The following SCN11A variants were observed in gnomAD, a reference collection of about 807,000 sequenced individuals.
SCN11A encodes the protein sodium channel protein type 11 subunit alpha.
SCN11A carries 122 observed loss-of-function variants against 162.2 expected under a neutral mutation model. The observed-to-expected ratio is 0.75, with a 90% confidence interval of 0.65 to 0.87. SCN11A has a LOEUF of 0.87. SCN11A is among the 40% of genes least tolerant of loss of function. SCN11A has a pLI of 0.00. For missense variants in SCN11A, 2,015 were observed against 2,181.6 expected, an observed-to-expected ratio of 0.92 and a Z score of 1.52; for synonymous variants, 758 against 751.5, an observed-to-expected ratio of 1.01 and a Z score of -0.14.
At chr3:38,913,322 A>C (rs2065912136) in intron 11 of SCN11A, among the ~76,000 whole-genome samples, 1 of 152,004 alleles carries the variant, frequency 6.6e-6, no homozygotes, top group South Asian at 2.1e-4. Flanking sequence ...CCCACTTTTC[A>C]GTGGAGTTGT....
chr3:38,976,196 G>T (rs1420663091), intron 2 of SCN11A, among the ~76,000 whole-genome samples: 2 of 152,092 alleles, frequency 1.3e-5, no homozygotes, highest in Non-Finnish European at 2.9e-5. Flanking sequence ...TTACATGCTT[G>T]TTATGAGACA....
At chr3:38,939,441 T>C (rs903222413) in intron 7 of SCN11A, among the ~76,000 whole-genome samples, 2 of 152,118 alleles carry the variant, frequency 1.3e-5, no homozygotes, top group African/African-American at 4.8e-5. Flanking sequence ...AGAGAAATTT[T>C]AAAACTGAAA....
intron 11 of SCN11A, 71 bp downstream of exon 11, chr3:38,919,864 C>CTGTT: frequency 9.2e-7 from 1 of 1,082,166 alleles, no homozygotes; most frequent in Non-Finnish European, 1.4e-6. Context: ...TCATTAAAGA[C>CTGTT]TGTTTGCCAC....
chr3:38,935,760 G>C (rs915217339), intron 7 of SCN11A, among the ~76,000 whole-genome samples: 1 of 152,222 alleles, frequency 6.6e-6, no homozygotes, highest in Admixed American at 6.5e-5. Flanking sequence ...TCCAGGACCA[G>C]ATGGATTCAC....
chr3:39,029,919 T>C (rs536695303), intron 2 of SCN11A, among the ~76,000 whole-genome samples: 131 of 152,340 alleles, frequency 8.6e-4, no homozygotes, highest in South Asian at 6.6e-3. Context: ...AAGAATTGTC[T>C]TCAGTTCCAG....
chr3:38,911,543 C>T (rs1056290847), intron 11 of SCN11A, among the ~76,000 whole-genome samples: 8 of 152,134 alleles, frequency 5.3e-5, no homozygotes, highest in African/African-American at 1.9e-4. Context: ...GGACTTGCAT[C>T]TTTAGTCCCA....
chr3:38,849,257 C>CTTTTTT lies in SCN11A; in HGVS notation c.4327+1218_4327+1223dup, dbSNP rs55781629. The CTTTTTT allele has an allele frequency of 4.9e-4, 34 of 69,852 alleles. 4 individuals carry two copies. The highest frequency in any genetic ancestry group is 2.0e-3 in the East Asian group (4 of 2,026). The allele number at this position is 69,852 out of a possible 1,614,324, so 4.3% of individuals were successfully genotyped here. On this transcript the variant is annotated intron_variant, in intron 29 of 29. Transcript: ENST00000302328. ...GACATCTGACCACCATTTTCTAGCCCTTTTTTTTTTTTTTTTTTTTTTTTT... is the reference window on the plus strand; with the variant it reads ...GACATCTGACCACCATTTTCTAGCCCTTTTTTTTTTTTTTTTTTTTTTTTTTTTTTT...
chr3:38,944,834 G>C (rs1295875402), intron 7 of SCN11A, among the ~76,000 whole-genome samples: 1 of 151,904 alleles, frequency 6.6e-6, no homozygotes, highest in Non-Finnish European at 1.5e-5. Flanking sequence ...ACGGTGGCAG[G>C]CGTCTGTAAT....
intron 2 of SCN11A, among the ~76,000 whole-genome samples, chr3:38,963,729 G>A (rs971137250): frequency 5.3e-5 from 8 of 151,940 alleles, no homozygotes; most frequent in African/African-American, 1.9e-4. Context: ...GGGGGGAAGA[G>A]TGGGAGAGAG....
chr3:38,963,399 T>C (rs1575338940), intron 2 of SCN11A, among the ~76,000 whole-genome samples: 2 of 58,036 alleles, frequency 3.4e-5, no homozygotes, highest in Non-Finnish European at 5.8e-5. Flanking sequence ...TGGAGATATA[T>C]ATATATATAT....
chr3:38,989,910 C>T (rs1050264498), intron 2 of SCN11A, among the ~76,000 whole-genome samples: 9 of 151,678 alleles, frequency 5.9e-5, no homozygotes, highest in Admixed American at 1.3e-4. Context: ...GTGACTCTGT[C>T]GAAATAATGT....
chr3:38,963,841 C>T (rs969108548), intron 2 of SCN11A, among the ~76,000 whole-genome samples: 7 of 151,984 alleles, frequency 4.6e-5, no homozygotes, highest in African/African-American at 1.7e-4. Context: ...ACTCATGTAA[C>T]CAAATACCAC....
At chr3:38,932,193 A>G (rs1441024073) in intron 7 of SCN11A, among the ~76,000 whole-genome samples, 2 of 152,230 alleles carry the variant, frequency 1.3e-5, no homozygotes, top group East Asian at 3.8e-4. Flanking sequence ...TGTCCCTATA[A>G]ATATTTTTAT....
Position 38,929,117 on chromosome 3 carries a change from A to T in SCN11A, c.489-2186T>A, listed in dbSNP as rs576057711. ...TTTTTTATATTCCCACACTGTCAAA[A>T]ATACTGGGTCTGTGCACGCACACAC... On this transcript the variant is annotated intron_variant, in intron 7 of 29. Transcript: ENST00000302328. Among the ~76,000 whole-genome samples, 140 of 116,016 alleles carry T rather than the reference A, an allele frequency of 1.2e-3. 2 individuals are homozygous for T. Among genetic ancestry groups the T allele is most frequent in the Admixed American group, 6.3e-3 (70 of 11,106 alleles). The allele number at this position is 116,016 out of a possible 152,430, so 76.1% of individuals were successfully genotyped here. A position where few individuals can be genotyped will look rare whatever the true frequency, so the allele number is the denominator to read the frequency against.
Position 38,896,906 on chromosome 3 carries a change from T to C in SCN11A, c.2342A>G (p.Asn781Ser), listed in dbSNP as rs747216962. ...AATAACACACAATGATGATGATGCATTCGCTTCTTGCATACATTCCCACAT... is the reference window on the plus strand; with the variant it reads ...AATAACACACAATGATGATGATGCACTCGCTTCTTGCATACATTCCCACAT... ...ENMWECMQEANASSSLCVIVF... is the reference protein window; with the variant it reads ...ENMWECMQEASASSSLCVIVF... The change falls in exon 18 of 30, where the codon AAT becomes AGT. Residue 781 changes from asparagine to serine, a missense_variant. Coordinates refer to ENST00000302328, the MANE Select transcript of SCN11A (RefSeq NM_001349253.2). The C allele has an allele frequency of 1.2e-5, 19 of 1,613,284 alleles. No individual in the cohort carries two copies. The highest frequency in any genetic ancestry group is 1.7e-4 in the Middle Eastern group (1 of 6,060).
intron 27 of SCN11A, 97 bp downstream of exon 27, chr3:38,867,224 G>A (rs1463404520): frequency 3.4e-6 from 4 of 1,184,562 alleles, no homozygotes; most frequent in Non-Finnish European, 4.9e-6. Flanking sequence ...GATCATAAAG[G>A]CTACTTTGTA....
chr3:38,901,293 A>T lies in SCN11A; in HGVS notation c.1843-1220T>A, dbSNP rs1398377772. On this transcript the variant is annotated intron_variant, in intron 16 of 29. Coordinates refer to ENST00000302328, the MANE Select transcript of SCN11A (RefSeq NM_001349253.2). ...AAAATAAAAATAAATCAAGAGTTAC[A>T]AAGAAAATTCAAGTTTATTTTCATA... Among the ~76,000 whole-genome samples the T allele has an allele frequency of 2.6e-5, 4 of 152,242 alleles. No individual in the cohort carries two copies. The East Asian group carries it at 7.7e-4, about 29-fold the overall frequency.
chr3:39,029,885 T>C (rs1468435667), intron 2 of SCN11A, among the ~76,000 whole-genome samples: 2 of 152,226 alleles, frequency 1.3e-5, no homozygotes, highest in African/African-American at 4.8e-5. Context: ...ATGCCTGTGC[T>C]TTCTATAGGG....
chr3:38,865,265 T>G (rs1053220475), intron 27 of SCN11A, among the ~76,000 whole-genome samples: 1 of 152,170 alleles, frequency 6.6e-6, no homozygotes, highest in Non-Finnish European at 1.5e-5. Context: ...CAAAAGGATA[T>G]AGTGGATTGT....
Sources: allele counts gnomAD v4.1 joint callset (sites outside exome capture counted in the v4.1 genomes callset), GRCh38; gene constraint gnomAD v4.1.1; transcripts MANE v1.5; gene names NCBI Gene and HGNC (gene_info 2026-07-23, HGNC 2026-07-21).